BANF2: variants seen among roughly 807,000 people sequenced by gnomAD.
The protein encoded by BANF2 is BANF family member 2, also known as barrier-to-autointegration factor-like protein.
BANF2 carries 4 observed loss-of-function variants against 8.0 expected under a neutral mutation model. That is an observed-to-expected ratio of 0.50 (90% CI 0.25 to 1.14). The LOEUF is 1.14. BANF2 is among the 50% of genes most tolerant of loss of function. The probability of loss-of-function intolerance (pLI) is 0.16; values close to 1 mark genes in which losing one functional copy is unlikely to be tolerated. For missense variants in BANF2, 96 were observed against 107.5 expected, an observed-to-expected ratio of 0.89 and a Z score of 0.47; for synonymous variants, 50 against 40.6, an observed-to-expected ratio of 1.23 and a Z score of -0.88.
chr20:17,703,273 T>C (rs1359762650), intron 1 of BANF2, among the ~76,000 whole-genome samples: 4 of 152,230 alleles, frequency 2.6e-5, no homozygotes, highest in African/African-American at 9.6e-5. Context: ...GTGTGTTTTC[T>C]TGTCTACTGC....
chr20:17,715,271 C>T (rs1359092664), intron 1 of BANF2, among the ~76,000 whole-genome samples: 1 of 152,136 alleles, frequency 6.6e-6, no homozygotes, highest in African/African-American at 2.4e-5. Context: ...GCTAGTACAC[C>T]GTGTGTGGTG....
At chr20:17,705,004 C>T (rs2037461790) in intron 1 of BANF2, among the ~76,000 whole-genome samples, 1 of 152,188 alleles carries the variant, frequency 6.6e-6, no homozygotes, top group Non-Finnish European at 1.5e-5. Flanking sequence ...GGTCGCGTGT[C>T]CACAATGATG....
At chr20:17,715,114 G>T (rs931998119) in intron 1 of BANF2, among the ~76,000 whole-genome samples, 1 of 152,164 alleles carries the variant, frequency 6.6e-6, no homozygotes, top group East Asian at 1.9e-4. Flanking sequence ...TGGAGCTAAG[G>T]TCAGACAAGG....
chr20:17,702,496 G>GC (rs1275857718), intron 1 of BANF2, among the ~76,000 whole-genome samples: 1 of 152,238 alleles, frequency 6.6e-6, no homozygotes, highest in Non-Finnish European at 1.5e-5. Context: ...ACATCAGGGA[G>GC]CCCCAACTGG....
intron 1 of BANF2, among the ~76,000 whole-genome samples, chr20:17,707,726 T>C (rs538340433): frequency 2.0e-5 from 3 of 151,872 alleles, no homozygotes; most frequent in South Asian, 4.2e-4. Context: ...ATTACAGGCA[T>C]GTGCCACCAC....
At chr20:17,700,555 A>T (rs2037391707) in intron 1 of BANF2, among the ~76,000 whole-genome samples, 1 of 152,110 alleles carries the variant, frequency 6.6e-6, no homozygotes, top group Non-Finnish European at 1.5e-5. Context: ...CTGTTTTTAA[A>T]TCCACCTCCT....
At chr20:17,699,923 G>A, upstream of BANF2, 1 of 927,808 alleles carries the variant, frequency 1.1e-6, no homozygotes, top group Non-Finnish European at 1.3e-6. Context: ...ACATCACAAT[G>A]TAGTCCATTC....
At chr20:17,727,344 T>A (rs1336167205) in intron 3 of BANF2, among the ~76,000 whole-genome samples, 1 of 152,086 alleles carries the variant, frequency 6.6e-6, no homozygotes, top group Admixed American at 6.6e-5. Context: ...GTGATTGAGA[T>A]GAGGGTCACT....
intron 1 of BANF2, among the ~76,000 whole-genome samples, chr20:17,693,984 C>G (rs2037321186): frequency 6.6e-6 from 1 of 152,226 alleles, no homozygotes; most frequent in South Asian, 2.1e-4. Context: ...CCTTCAGCCA[C>G]TGGGGTGGGA....
intron 3 of BANF2, among the ~76,000 whole-genome samples, chr20:17,735,120 A>G (rs942514087): frequency 3.3e-5 from 5 of 151,760 alleles, no homozygotes; most frequent in African/African-American, 1.2e-4. Flanking sequence ...AAAGAAAAGA[A>G]AAGAGAAGAA....
chr20:17,705,684 C>T (rs1222702902), intron 1 of BANF2, among the ~76,000 whole-genome samples: 3 of 152,188 alleles, frequency 2.0e-5, no homozygotes, highest in African/African-American at 7.2e-5. Context: ...AATTAGTAAC[C>T]TAACTCTATT....
intron 3 of BANF2, among the ~76,000 whole-genome samples, chr20:17,729,172 C>A (rs181591499): frequency 6.6e-6 from 1 of 152,296 alleles, no homozygotes; most frequent in Admixed American, 6.5e-5. Flanking sequence ...GGTGCACATG[C>A]CAATGAGGCT....
chr20:17,731,848 C>T (rs1467306986), intron 3 of BANF2, among the ~76,000 whole-genome samples: 1 of 149,884 alleles, frequency 6.7e-6, no homozygotes, highest in African/African-American at 2.5e-5. Flanking sequence ...GGGCAGATCA[C>T]GAGGTCAGGG....
At chr20:17,696,101 G>T (rs923972835), upstream of BANF2, among the ~76,000 whole-genome samples, 2 of 152,198 alleles carry the variant, frequency 1.3e-5, no homozygotes, top group African/African-American at 4.8e-5. Flanking sequence ...GGGTGTTTTT[G>T]GTTTGGGGCT....
intron 3 of BANF2, among the ~76,000 whole-genome samples, chr20:17,734,112 C>T (rs2037941062): frequency 6.6e-6 from 1 of 152,182 alleles, no homozygotes; most frequent in Non-Finnish European, 1.5e-5. Context: ...GCTACGTGGC[C>T]TTGGGAATTC....
chr20:17,710,541 T>C (rs1177548342), intron 1 of BANF2, among the ~76,000 whole-genome samples: 2 of 152,166 alleles, frequency 1.3e-5, no homozygotes, highest in Non-Finnish European at 2.9e-5. Flanking sequence ...CTCAATTCGG[T>C]TCCATTTCTC....
intron 1 of BANF2, among the ~76,000 whole-genome samples, chr20:17,702,438 C>T (rs2037422614): frequency 6.6e-6 from 1 of 152,230 alleles, no homozygotes; most frequent in Admixed American, 6.5e-5. Context: ...TGGCACTCTC[C>T]CTTCTGCGTG....
chr20:17,715,320 G>A (rs1417357570), intron 1 of BANF2, among the ~76,000 whole-genome samples: 1 of 152,202 alleles, frequency 6.6e-6, no homozygotes, highest in African/African-American at 2.4e-5. Context: ...TCTGGGAGAG[G>A]TATCTGCAGA....
At chr20:17,705,214 T>C (rs571934773) in intron 1 of BANF2, among the ~76,000 whole-genome samples, 2 of 152,240 alleles carry the variant, frequency 1.3e-5, no homozygotes, top group Admixed American at 6.5e-5. Context: ...CCAAGCCACA[T>C]TGGATGAAAG....
Sources: gnomAD v4.1 joint callset for allele counts (sites outside exome capture counted in the v4.1 genomes callset) on GRCh38, gnomAD v4.1.1 for gene constraint, MANE v1.5 for transcripts, NCBI Gene and HGNC (gene_info 2026-07-23, HGNC 2026-07-21) for gene names.